Variants in NAALADL2 observed in about 807,000 individuals in gnomAD.
NAALADL2 encodes N-acetylated alpha-linked acidic dipeptidase like 2, also known as inactive N-acetylated-alpha-linked acidic dipeptidase-like protein 2.
In NAALADL2, 76 loss-of-function variants were observed where a neutral mutation model predicts 87.2. The observed-to-expected ratio is 0.87, with a 90% CI of 0.72 to 1.05. The LOEUF (loss-of-function observed/expected upper bound fraction) is 1.05, where lower values mean the gene tolerates loss of function less well. NAALADL2 is among the 50% of genes least tolerant of loss of function. The pLI is 0.00. For synonymous variants in NAALADL2, 354 were observed against 331.0 expected, an observed-to-expected ratio of 1.07 and a Z score of -0.75; for missense variants, 1,089 against 945.8, an observed-to-expected ratio of 1.15 and a Z score of -1.99.
At chr3:175,310,919 G>A (rs1758281942) in intron 4 of NAALADL2, among the ~76,000 whole-genome samples, 2 of 151,828 alleles carry the variant, frequency 1.3e-5, no homozygotes, top group Non-Finnish European at 2.9e-5. Flanking sequence ...AAAAGAAGCA[G>A]CATGTCTACA....
chr3:174,588,599 A>G (rs916437124), intron 2 of NAALADL2, among the ~76,000 whole-genome samples: 1 of 152,168 alleles, frequency 6.6e-6, no homozygotes, highest in Non-Finnish European at 1.5e-5. Flanking sequence ...TCTAACTGTC[A>G]GGACCCTCAG....
intron 1 of NAALADL2, among the ~76,000 whole-genome samples, chr3:174,528,974 C>A (rs547801054): frequency 9.2e-5 from 14 of 152,152 alleles, no homozygotes; most frequent in African/African-American, 3.4e-4. Context: ...AATCTCACGT[C>A]CCCACATTTC....
chr3:175,497,426 C>T (rs796384562), intron 9 of NAALADL2, among the ~76,000 whole-genome samples: 57 of 152,270 alleles, frequency 3.7e-4, no homozygotes, highest in African/African-American at 1.3e-3. Context: ...TTAATACTTA[C>T]TAAGTGTGAA....
At chr3:175,249,627 TA>T (rs1748644205) in intron 3 of NAALADL2, among the ~76,000 whole-genome samples, 1 of 152,162 alleles carries the variant, frequency 6.6e-6, no homozygotes, top group Admixed American at 6.6e-5. Context: ...TGTTGGAAGT[TA>T]TTTTTTATTA....
At position 175,361,985 on chromosome 3, in the gene NAALADL2, G is replaced by T. The variant is rs967401994; in HGVS notation, c.1090+37660G>T. On this transcript the variant is annotated intron_variant, in intron 5 of 13. Transcript: ENST00000454872. ...GGTATTGCCTAGGTTTTCTTCTAGG[G>T]TTTTTATGGTTTTAGGTCTAACGTT... is the stretch of plus-strand genomic sequence containing the variant. 8.0e-4 allele frequency among the ~76,000 whole-genome samples: 119 copies of T among 147,990 alleles called. 10 individuals carry two copies. The highest frequency in any genetic ancestry group is 1.4e-3 in the Non-Finnish European group (92 of 66,524).
chr3:174,926,419 T>C (rs910196501), intron 1 of NAALADL2, among the ~76,000 whole-genome samples: 23 of 151,726 alleles, frequency 1.5e-4, no homozygotes, highest in African/African-American at 5.3e-4. Context: ...TTCACCAAAG[T>C]TGAAATGAAG....
intron 1 of NAALADL2, among the ~76,000 whole-genome samples, chr3:174,532,556 A>T (rs1721340357): frequency 1.3e-5 from 2 of 152,188 alleles, no homozygotes; most frequent in Non-Finnish European, 1.5e-5. Flanking sequence ...GTACTGTTCA[A>T]AGAGTACTGT....
chr3:175,472,927 A>T (rs1030896822), intron 9 of NAALADL2, among the ~76,000 whole-genome samples: 9 of 152,144 alleles, frequency 5.9e-5, no homozygotes, highest in Non-Finnish European at 1.0e-4. Context: ...TTGGAAATTT[A>T]AGATATTTCT....
chr3:175,522,760 CA>C, intron 9 of NAALADL2, among the ~76,000 whole-genome samples: 1 of 152,224 alleles, frequency 6.6e-6, no homozygotes, highest in Admixed American at 6.5e-5. Context: ...GCTTTCTCCA[CA>C]AAAAAGTAAT....
intron 3 of NAALADL2, among the ~76,000 whole-genome samples, chr3:174,771,712 T>A (rs1392962554): frequency 6.6e-6 from 1 of 152,140 alleles, no homozygotes; most frequent in East Asian, 1.9e-4. Flanking sequence ...TGACTTACTG[T>A]TTAGAAAGGT....
chr3:174,922,452 A>T (rs1347591967), intron 1 of NAALADL2, among the ~76,000 whole-genome samples: 1 of 152,184 alleles, frequency 6.6e-6, no homozygotes, highest in African/African-American at 2.4e-5. Flanking sequence ...TAACAACATA[A>T]ATAGCCACAG....
intron 2 of NAALADL2, among the ~76,000 whole-genome samples, chr3:174,722,654 A>T (rs959569846): frequency 6.6e-5 from 10 of 152,214 alleles, no homozygotes; most frequent in African/African-American, 2.4e-4. Context: ...GTGAGCCGAG[A>T]TCGTGCCACT....
At chr3:175,596,928 A>G (rs556720050) in intron 10 of NAALADL2, among the ~76,000 whole-genome samples, 2 of 152,124 alleles carry the variant, frequency 1.3e-5, no homozygotes, top group Non-Finnish European at 2.9e-5. Flanking sequence ...CCAAGATACT[A>G]TAATACTATG....
At chr3:175,713,179 T>C (rs943043064) in intron 11 of NAALADL2, among the ~76,000 whole-genome samples, 21 of 152,214 alleles carry the variant, frequency 1.4e-4, no homozygotes, top group African/African-American at 5.1e-4. Flanking sequence ...AATAACAGGG[T>C]TAATGTTCAA....
At chr3:175,561,358 AAAGTCTGTACATGT>A (rs1184966912) in intron 9 of NAALADL2, among the ~76,000 whole-genome samples, 2 of 152,204 alleles carry the variant, frequency 1.3e-5, no homozygotes, top group African/African-American at 2.4e-5. Context: ...ACAAGGAAAA[AAAGTCTGTACATGT>A]AAGTCTGTAC....
intron 1 of NAALADL2, among the ~76,000 whole-genome samples, chr3:174,891,659 G>A (rs1394529412): frequency 2.0e-5 from 3 of 152,088 alleles, no homozygotes; most frequent in East Asian, 1.9e-4. Context: ...CTTGAGTTCT[G>A]GCAATCCTTG....
chr3:175,557,658 T>C (rs1715513219), intron 9 of NAALADL2, among the ~76,000 whole-genome samples: 1 of 152,148 alleles, frequency 6.6e-6, no homozygotes, highest in African/African-American at 2.4e-5. Flanking sequence ...ACATGAAGTT[T>C]GTCTTTCTGT....
At chr3:175,734,308 A>G (rs1744203383) in intron 11 of NAALADL2, among the ~76,000 whole-genome samples, 1 of 152,240 alleles carries the variant, frequency 6.6e-6, no homozygotes, top group African/African-American at 2.4e-5. Context: ...TAATCCCAGC[A>G]CTTTGGGAGG....
intron 10 of NAALADL2, among the ~76,000 whole-genome samples, chr3:175,610,342 A>G (rs1463956593): frequency 6.6e-6 from 1 of 152,150 alleles, no homozygotes; most frequent in Non-Finnish European, 1.5e-5. Flanking sequence ...TTATTTAACA[A>G]TGTCAATGAC....
Sources: gnomAD v4.1 joint callset for allele counts (sites outside exome capture counted in the v4.1 genomes callset) on GRCh38, gnomAD v4.1.1 for gene constraint, MANE v1.5 for transcripts, NCBI Gene and HGNC (gene_info 2026-07-23, HGNC 2026-07-21) for gene names.